Variants in TXNDC11 observed in about 807,000 individuals in gnomAD.
The protein encoded by TXNDC11 is thioredoxin domain-containing protein 11.
In TXNDC11, 68 loss-of-function variants were observed where a neutral mutation model predicts 78.0. That is an observed-to-expected ratio of 0.87 (90% CI 0.72 to 1.07). The LOEUF is 1.07. Ranked by LOEUF, TXNDC11 falls within the 50% of genes least tolerant of loss-of-function variation. The pLI, the probability that TXNDC11 is intolerant of heterozygous loss-of-function variation, is 0.00. For missense variants in TXNDC11, 1,389 were observed against 1,221.8 expected, an observed-to-expected ratio of 1.14 and a Z score of -2.04; for synonymous variants, 571 against 495.2, an observed-to-expected ratio of 1.15 and a Z score of -2.03.
Position 11,724,602 on chromosome 16 carries a change from A to C in TXNDC11, c.700-2932T>G, listed in dbSNP as rs1597479877. Among the ~76,000 whole-genome samples, 3 of 152,262 alleles carry C rather than the reference A, an allele frequency of 2.0e-5. No homozygotes were observed. The East Asian group carries it at 5.8e-4, about 29-fold the overall frequency. ...AACATGGCAAGACCTCATCTCTATA[A>C]AATAAAAATAAAAATGACACTGGTT... On this transcript the variant is annotated intron_variant, in intron 4 of 11. Transcript: ENST00000283033.
chr16:11,742,260 G>A (rs1275709038), intron 1 of TXNDC11: 1 of 450,818 alleles, frequency 2.2e-6, no homozygotes, highest in African/African-American at 2.1e-5. Flanking sequence ...ATAGGGCGCA[G>A]GGCTCCACCC....
At chr16:11,707,139 G>C (rs116840430) in intron 5 of TXNDC11, among the ~76,000 whole-genome samples, 216 of 152,210 alleles carry the variant, frequency 1.4e-3, no homozygotes, top group African/African-American at 4.9e-3. Context: ...TAAAATGTCA[G>C]TTTAGGGCTG....
chr16:11,686,956 C>T (rs1215579238), intron 10 of TXNDC11, among the ~76,000 whole-genome samples: 2 of 152,180 alleles, frequency 1.3e-5, no homozygotes, highest in African/African-American at 2.4e-5. Flanking sequence ...CTTCACTAAG[C>T]GTCGCAAGGA....
Position 11,679,128 on chromosome 16 carries a change from A to C in TXNDC11, c.*67T>G. The C allele has an allele frequency of 2.0e-6, 3 of 1,500,292 alleles. No individual in the cohort carries two copies. The highest frequency in any genetic ancestry group is 2.7e-6 in the Non-Finnish European group (3 of 1,104,748). The allele number at this position is 1,500,292 out of a possible 1,614,324, so 92.9% of individuals were successfully genotyped here. On this transcript the variant is annotated 3_prime_UTR_variant, in exon 12 of 12. Transcript: ENST00000283033. The surrounding 1 kb of genome is among the most constrained non-coding windows in gnomAD (Gnocchi z 4.6). ...ATCTTTATTTACAATAAATTTCAAT[A>C]AAATTTGCATAAATATATTCCCAAT... is the stretch of plus-strand genomic sequence containing the variant.
At chr16:11,731,984 T>TG (rs1454127658) in intron 3 of TXNDC11, among the ~76,000 whole-genome samples, 2 of 151,882 alleles carry the variant, frequency 1.3e-5, no homozygotes, top group African/African-American at 4.9e-5. Flanking sequence ...GCTACCAATC[T>TG]GGAAACCTCA....
chr16:11,738,508 A>C (rs2052293717), intron 1 of TXNDC11, among the ~76,000 whole-genome samples: 1 of 152,190 alleles, frequency 6.6e-6, no homozygotes, highest in Non-Finnish European at 1.5e-5. Flanking sequence ...AAATATACTA[A>C]ATGCTCACTA....
chr16:11,720,369 G>A (rs1273174973), intron 5 of TXNDC11, among the ~76,000 whole-genome samples: 1 of 150,754 alleles, frequency 6.6e-6, no homozygotes, highest in Non-Finnish European at 1.5e-5. Context: ...TAAAAATGCT[G>A]ACCAAAACTT....
At chr16:11,684,351 C>A in intron 10 of TXNDC11, 106 bp from the exon 11 acceptor site, 1 of 760,110 alleles carries the variant, frequency 1.3e-6, no homozygotes, top group Admixed American at 2.3e-5. Flanking sequence ...TTTTACACCC[C>A]ACATTGGGCT....
Position 11,742,686 on chromosome 16 carries a change from C to A in TXNDC11, c.45G>T (p.Glu15Asp). The part of the protein sequence containing the change: ...GGRGGGSSSS[E>D]DAEDEGGGGG... Reference sequence around the variant, plus strand: ...CGCCCCCTCCCTCGTCCTCGGCGTCCTCGCTGCTGCTGCTGCCGCCGCCGC... The same window carrying A: ...CGCCCCCTCCCTCGTCCTCGGCGTCATCGCTGCTGCTGCTGCCGCCGCCGC... Residue 15 changes from glutamate (E) to aspartate (D), a missense_variant, in exon 1 of 12, where the codon GAG (glutamate) becomes GAT (aspartate). Coordinates refer to ENST00000283033, the MANE Select transcript of TXNDC11 (RefSeq NM_015914.7). 6.8e-7 allele frequency: 1 copy of A among 1,477,170 alleles called. No homozygotes were observed. The highest frequency in any genetic ancestry group is 1.3e-5 in the South Asian group (1 of 77,100). 91.5% of individuals were successfully genotyped at this position (1,477,170 alleles called of 1,614,324 possible).
At chr16:11,722,035 G>A (rs550405117) in intron 4 of TXNDC11, among the ~76,000 whole-genome samples, 4 of 152,178 alleles carry the variant, frequency 2.6e-5, no homozygotes, top group East Asian at 1.9e-4. Context: ...GTCCTCAATC[G>A]CTTTTAACAA....
chr16:11,681,385 T>G (rs1418352559), intron 11 of TXNDC11, among the ~76,000 whole-genome samples: 1 of 152,184 alleles, frequency 6.6e-6, no homozygotes, highest in East Asian at 1.9e-4. Flanking sequence ...GACAGTGACA[T>G]CCGTGAGCAT....
At chr16:11,733,779 A>T (rs545574961) in intron 3 of TXNDC11, among the ~76,000 whole-genome samples, 1 of 152,336 alleles carries the variant, frequency 6.6e-6, no homozygotes, top group Non-Finnish European at 1.5e-5. Context: ...CAGTTTAGGA[A>T]ATAGTATTAC....
At chr16:11,733,051 A>G (rs1447677643) in intron 3 of TXNDC11, among the ~76,000 whole-genome samples, 1 of 152,164 alleles carries the variant, frequency 6.6e-6, no homozygotes, top group African/African-American at 2.4e-5. Context: ...AGTACAGCCT[A>G]GGTCGAGACC....
At chr16:11,735,071 G>C (rs982779816) in intron 2 of TXNDC11, among the ~76,000 whole-genome samples, 1 of 152,190 alleles carries the variant, frequency 6.6e-6, no homozygotes, top group Non-Finnish European at 1.5e-5. Flanking sequence ...CATTTTACAT[G>C]TGAATCTAAA....
At chr16:11,696,313 T>C (rs1054179441) in intron 7 of TXNDC11, among the ~76,000 whole-genome samples, 1 of 152,138 alleles carries the variant, frequency 6.6e-6, no homozygotes, top group Non-Finnish European at 1.5e-5. Context: ...ATCCAAAGCC[T>C]CTGCTAACTC....
intron 3 of TXNDC11, among the ~76,000 whole-genome samples, chr16:11,732,867 A>G (rs2052096007): frequency 6.6e-6 from 1 of 152,190 alleles, no homozygotes; most frequent in Non-Finnish European, 1.5e-5. Flanking sequence ...GAACTTTAGA[A>G]GGAAAAAGGA....
At chr16:11,737,050 A>G (rs1466189430) in intron 1 of TXNDC11, among the ~76,000 whole-genome samples, 1 of 152,236 alleles carries the variant, frequency 6.6e-6, no homozygotes, top group Admixed American at 6.5e-5. Flanking sequence ...CCATTAGGGC[A>G]GCTTTGCTAA....
At chr16:11,695,790 T>C (rs778804810) in intron 7 of TXNDC11, among the ~76,000 whole-genome samples, 6 of 152,110 alleles carry the variant, frequency 3.9e-5, no homozygotes, top group Non-Finnish European at 7.3e-5. Flanking sequence ...CCCAACACTT[T>C]AGGAGGCCAA....
At chr16:11,736,809 A>T (rs1371989000) in intron 1 of TXNDC11, among the ~76,000 whole-genome samples, 2 of 152,244 alleles carry the variant, frequency 1.3e-5, no homozygotes, top group African/African-American at 4.8e-5. Context: ...TAATGAAGAT[A>T]AGTAACAAAG....
Sources: gnomAD v4.1 joint callset for allele counts (sites outside exome capture counted in the v4.1 genomes callset) on GRCh38, gnomAD v4.1.1 for gene constraint, Gnocchi (gnomAD v3.1) non-coding constraint, MANE v1.5 for transcripts, NCBI Gene and HGNC (gene_info 2026-07-23, HGNC 2026-07-21) for gene names.